Variants in ROBO4 observed in about 807,000 individuals in gnomAD.
ROBO4 encodes roundabout homolog 4.
In ROBO4, 80 loss-of-function variants were observed where a neutral mutation model predicts 103.3. The ratio of observed to expected loss-of-function variants is 0.77; its 90% CI spans 0.65 to 0.93. The LOEUF (loss-of-function observed/expected upper bound fraction) is 0.93, where lower values mean the gene tolerates loss of function less well. Ranked by LOEUF, ROBO4 falls within the 40% of genes least tolerant of loss-of-function variation. The pLI is 0.00. For synonymous variants in ROBO4, 504 were observed against 529.7 expected, an observed-to-expected ratio of 0.95 and a Z score of 0.67; for missense variants, 1,333 against 1,305.3, an observed-to-expected ratio of 1.02 and a Z score of -0.33.
chr11:124,887,775 C>T lies in ROBO4; in HGVS notation c.2014G>A (p.Glu672Lys). The T allele has an allele frequency of 6.2e-7, 1 of 1,614,030 alleles. No individual in the cohort carries two copies. The highest frequency in any genetic ancestry group is 1.3e-5 in the African/African-American group (1 of 75,042). Residue 672 changes from glutamate (E) to lysine (K), a missense_variant, in exon 13 of 18, where the codon GAG (glutamate) becomes AAG (lysine). By Grantham distance (56) the Glu-to-Lys change is moderately conservative. Coordinates refer to ENST00000306534, the MANE Select transcript of ROBO4 (RefSeq NM_019055.6). ...GSHSLELRAC[E>K]LGNRGSKNLS... ...TTCTTGGAACCTCTATTTCCTAACT[C>T]ACAGGCCCGGAGCTCCAAGGAGTGG...
rs771460375 is a variant in ROBO4 at position 124,887,363 on chromosome 11, C to G, written c.2193G>C (p.Gln731His). The G allele has an allele frequency of 3.7e-6, 6 of 1,613,992 alleles. No individual in the cohort carries two copies. The South Asian group carries it at 6.6e-5, about 18-fold the overall frequency. ...CCGACCCCATGCCCTCTTACTGGGT[C>G]TGTTGACTCTGAGTTGGGGGAGTTT... Reference protein sequence around the residue: ...PHETPPTQSQQTQPPVAPQAP... With the variant: ...PHETPPTQSQHTQPPVAPQAP... Residue 731 changes from glutamine (Q) to histidine (H), a missense_variant, in exon 14 of 18, where the codon CAG (glutamine) becomes CAC (histidine). By Grantham distance (24) the Gln-to-His change is conservative. Coordinates refer to ENST00000306534, the MANE Select transcript of ROBO4 (RefSeq NM_019055.6).
rs202140883 is a variant in ROBO4 at position 124,891,762 on chromosome 11, G to A, written c.1588C>T (p.Arg530Cys). 2.0e-5 allele frequency: 33 copies of A among 1,614,030 alleles called. No homozygotes were observed. Among genetic ancestry groups the A allele is most frequent in the Non-Finnish European group, 1.9e-5 (22 of 1,180,042 alleles). Residue 530 changes from arginine to cysteine, a missense_variant, in exon 11 of 18, where the codon CGT becomes TGT. Coordinates refer to ENST00000306534, the MANE Select transcript of ROBO4 (RefSeq NM_019055.6). ...AGGTCCCGAGAGCCAGAGGTGGAAC[G>A]CCAAGTGTCTGCCAACCACTGGGAG... ...SDSQWLADTWRSTSGSRDLSS... is the reference protein window; with the variant it reads ...SDSQWLADTWCSTSGSRDLSS...
chr11:124,895,355 C>T (rs1946866489), intron 6 of ROBO4, 102 bp downstream of exon 6: 7 of 1,242,468 alleles, frequency 5.6e-6, no homozygotes, highest in Middle Eastern at 2.2e-4. Context: ...AGGGTAGGAC[C>T]CATAATCTCC....
intron 16 of ROBO4, among the ~76,000 whole-genome samples, chr11:124,886,084 G>A (rs879878897): frequency 7.2e-5 from 11 of 152,222 alleles, no homozygotes; most frequent in East Asian, 1.9e-4. Context: ...CCAGCTACTC[G>A]GGAGGCTGAG....
chr11:124,891,533 C>G lies in ROBO4; in HGVS notation c.1714G>C (p.Val572Leu). The change falls in exon 12 of 18, where the codon GTG becomes CTG. Residue 572 changes from valine (V) to leucine (L), a missense_variant. Coordinates refer to ENST00000306534, the MANE Select transcript of ROBO4 (RefSeq NM_019055.6). ...LLSWDSRSPG[V>L]PLLPDTSTFY... ...GTGCTGGTGTCTGGAAGCAGGGGCACGCCGGGGCTTCGGGAGTCCCAGGAG... is the reference window on the plus strand; with the variant it reads ...GTGCTGGTGTCTGGAAGCAGGGGCAGGCCGGGGCTTCGGGAGTCCCAGGAG... 4 of 1,614,160 alleles carry G rather than the reference C, an allele frequency of 2.5e-6. No homozygotes were observed. The highest frequency in any genetic ancestry group is 3.4e-6 in the Non-Finnish European group (4 of 1,180,028).
chr11:124,895,300 G>T (rs529234238), intron 6 of ROBO4, 107 bp from the exon 7 acceptor site: 82 of 1,138,662 alleles, frequency 7.2e-5, no homozygotes, highest in Admixed American at 1.0e-4. Flanking sequence ...GAGACAAGAA[G>T]CCTCTTGAAG....
rs1348460419 is a variant in ROBO4 at position 124,886,533 on chromosome 11, C to T, written c.2725G>A (p.Ala909Thr). Residue 909 changes from alanine to threonine, a missense_variant, in exon 16 of 18, where the codon GCC becomes ACC. Ala to Thr is a moderately conservative substitution (Grantham distance 58). Transcript: ENST00000306534. ...AAGCTATCCACAGCCACTGCCAGGG[C>T]CCGGGCAAAGTGAGCATCAGCGAGG... ...SFLADAHFARALAVAVDSFGF... is the reference protein window; with the variant it reads ...SFLADAHFARTLAVAVDSFGF... 6.2e-7 allele frequency: 1 copy of T among 1,614,106 alleles called. No individual in the cohort carries two copies. The highest frequency in any genetic ancestry group is 1.7e-5 in the Admixed American group (1 of 60,016).
rs1157804981 is a variant in ROBO4 at position 124,893,700 on chromosome 11, A to C, written c.1535T>G (p.Ile512Ser). The C allele has an allele frequency of 1.2e-6, 2 of 1,613,842 alleles. No homozygotes were observed. The highest frequency in any genetic ancestry group is 1.7e-6 in the Non-Finnish European group (2 of 1,179,966). Residue 512 changes from isoleucine to serine, a missense_variant, in exon 10 of 18, where the codon ATC (isoleucine) becomes AGC (serine). Coordinates refer to ENST00000306534, the MANE Select transcript of ROBO4 (RefSeq NM_019055.6). ...TTTCACCTCTCACCTGTGTTTTAGG[A>C]TGGCATCCTCACTGGTATATCTGTA... ...GLYRYTSEDA[I>S]LKHRMDHSDS...
At chr11:124,895,752 G>A in intron 5 of ROBO4, 33 bp downstream of exon 5, 1 of 1,613,778 alleles carries the variant, frequency 6.2e-7, no homozygotes, top group Admixed American at 1.7e-5. Flanking sequence ...TTGAGCTCTG[G>A]ATCGGCTTTT....
rs755801141 is a variant in ROBO4 at position 124,893,887 on chromosome 11, G to A, written c.1477C>T (p.Arg493Cys). The A allele has an allele frequency of 1.1e-4, 178 of 1,612,514 alleles. No individual in the cohort carries two copies. Among genetic ancestry groups the A allele is most frequent in the Admixed American group, 6.7e-4 (40 of 59,938 alleles). ...LGTAVCIHRR[R>C]RARVHLGPGL... ...GGGCCCAGGTGCACCCTAGCTCGGC[G>A]CCGGCGGTGGATACACACGGCGGTG... The change falls in exon 9 of 18, where the codon CGC becomes TGC. Residue 493 changes from arginine to cysteine, a missense_variant. Physicochemically the swap from Arg to Cys is radical, Grantham distance 180 (BLOSUM62 -3). Coordinates refer to ENST00000306534, the MANE Select transcript of ROBO4 (RefSeq NM_019055.6).
chr11:124,892,346 G>T (rs1216478334), intron 10 of ROBO4: 3 of 306,952 alleles, frequency 9.8e-6, no homozygotes, highest in Non-Finnish European at 1.9e-5. Context: ...AGGGATCTGA[G>T]CAAGGAGCTT....
Position 124,884,739 on chromosome 11 carries a change from C to T in ROBO4, c.*152G>A. On this transcript the variant is annotated 3_prime_UTR_variant, in exon 18 of 18. Transcript: ENST00000306534. ...CTAATTTTGTTTTCATTTGTTTTCA[C>T]AATCGTGGAGGGAGAACTCTCTGGA... The T allele has an allele frequency of 2.3e-6, 2 of 867,722 alleles. No individual in the cohort carries two copies. Among genetic ancestry groups the T allele is most frequent in the Non-Finnish European group, 3.7e-6 (2 of 533,948 alleles). The allele number at this position is 867,722 out of a possible 1,614,324, so 53.8% of individuals were successfully genotyped here.
At position 124,894,989 on chromosome 11, in the gene ROBO4, T is replaced by C. The variant is rs142030008; in HGVS notation, c.1149+92A>G. 85 of 996,900 alleles carry C rather than the reference T, an allele frequency of 8.5e-5. No individual in the cohort carries two copies. In the East Asian group the frequency reaches 1.3e-3, roughly 15 times the overall value. The allele number at this position is 996,900 out of a possible 1,614,324, so 61.8% of individuals were successfully genotyped here. A position where few individuals can be genotyped will look rare whatever the true frequency, so the allele number is the denominator to read the frequency against. ...CCTTTGCTTCTCTGCCCAGGTACCTTTCTCAGTGCCCAGAGCAAGGGTATG... is the reference window on the plus strand; with the variant it reads ...CCTTTGCTTCTCTGCCCAGGTACCTCTCTCAGTGCCCAGAGCAAGGGTATG... On this transcript the variant is annotated intron_variant, in intron 7 of 17. Coordinates refer to ENST00000306534, the MANE Select transcript of ROBO4 (RefSeq NM_019055.6).
chr11:124,893,810 C>T lies in ROBO4; in HGVS notation c.1504+50G>A, dbSNP rs1233311230. ...ATCCAAAGCCCCTGCACCATTCTGGCTGGATGCTGAGGAGGCCTGTATACA... is the reference window on the plus strand; with the variant it reads ...ATCCAAAGCCCCTGCACCATTCTGGTTGGATGCTGAGGAGGCCTGTATACA... On this transcript the variant is annotated intron_variant, in intron 9 of 17. Transcript: ENST00000306534. 3 of 1,613,202 alleles carry T rather than the reference C, an allele frequency of 1.9e-6. No homozygotes were observed. In the South Asian group the frequency reaches 3.3e-5, roughly 18 times the overall value.
intron 12 of ROBO4, among the ~76,000 whole-genome samples, chr11:124,890,594 G>T (rs1454768832): frequency 6.6e-6 from 1 of 152,194 alleles, no homozygotes; most frequent in East Asian, 1.9e-4. Context: ...CCCTCTTCCT[G>T]TCTGTAAAAT....
rs955898432 is a variant in ROBO4, at chr11:124,895,911, C to A, written c.681G>T (p.Glu227Asp). 7 of 1,613,446 alleles carry A rather than the reference C, an allele frequency of 4.3e-6. No homozygotes were observed. In the African/African-American group the frequency reaches 5.3e-5, roughly 12 times the overall value. Residue 227 changes from glutamate (E) to aspartate (D), a missense_variant and splice_region_variant, in exon 5 of 18, where the codon GAG becomes GAT. Glu to Asp is a conservative substitution (Grantham distance 45). Coordinates refer to ENST00000306534, the MANE Select transcript of ROBO4 (RefSeq NM_019055.6). ...ESRAARVSIQ[E>D]PQDYTEPVEL... ...CCACAGGCTCCGTGTAGTCCTGGGG[C>A]TCTGTGGGGAGGATAGGGCTGGGCT...
intron 1 of ROBO4, 133 bp downstream of exon 1, chr11:124,897,593 C>CTCA: frequency 1.4e-6 from 1 of 736,486 alleles, no homozygotes; most frequent in Non-Finnish European, 2.4e-6. Flanking sequence ...CTTACACACA[C>CTCA]TCATCATCAT....
chr11:124,887,896 C>T, intron 12 of ROBO4, 56 bp from the exon 13 acceptor site: 1 of 1,408,142 alleles, frequency 7.1e-7, no homozygotes. Flanking sequence ...CAGACCCCAG[C>T]TGCTGGCTCT....
At chr11:124,887,985 A>AC (rs1469629598) in intron 12 of ROBO4, 145 bp from the exon 13 acceptor site, 1 of 641,640 alleles carries the variant, frequency 1.6e-6, no homozygotes, top group Non-Finnish European at 2.7e-6. Flanking sequence ...TCCCCTCCAC[A>AC]CCCCCATCTT....
Sources: allele counts gnomAD v4.1 joint callset (sites outside exome capture counted in the v4.1 genomes callset), GRCh38; gene constraint gnomAD v4.1.1; transcripts MANE v1.5; gene names NCBI Gene and HGNC (gene_info 2026-07-23, HGNC 2026-07-21).